ST6GALNAC3: variants seen among roughly 807,000 people sequenced by gnomAD.
ST6GALNAC3 encodes the protein alpha-N-acetylgalactosaminide alpha-2,6-sialyltransferase 3.
Under a neutral mutation model 32.7 loss-of-function variants are expected in ST6GALNAC3, and 25 were observed. That is an observed-to-expected ratio of 0.76 (90% CI 0.56 to 1.07). The LOEUF is 1.07. ST6GALNAC3 is among the 50% of genes least tolerant of loss of function. The probability of loss-of-function intolerance (pLI) is 0.00; values close to 1 mark genes in which losing one functional copy is unlikely to be tolerated. For missense variants in ST6GALNAC3, 355 were observed against 382.4 expected, an observed-to-expected ratio of 0.93 and a Z score of 0.60; for synonymous variants, 129 against 133.1, an observed-to-expected ratio of 0.97 and a Z score of 0.21.
At chr1:76,478,923 C>T (rs563845944) in intron 3 of ST6GALNAC3, among the ~76,000 whole-genome samples, 172 of 151,754 alleles carry the variant, frequency 1.1e-3, no homozygotes, top group South Asian at 3.6e-3. Flanking sequence ...CCACCACGCC[C>T]GGCTAATTTT....
intron 1 of ST6GALNAC3, among the ~76,000 whole-genome samples, chr1:76,161,545 T>C (rs1379951260): frequency 6.6e-6 from 1 of 152,174 alleles, no homozygotes; most frequent in African/African-American, 2.4e-5. Context: ...TCTGGAGATT[T>C]TTCTCTCTGC....
At chr1:76,280,634 T>C (rs1034688241) in intron 1 of ST6GALNAC3, among the ~76,000 whole-genome samples, 7 of 152,176 alleles carry the variant, frequency 4.6e-5, no homozygotes, top group African/African-American at 1.7e-4. Context: ...AGGATTCTTG[T>C]AAGAATTAAA....
At chr1:76,455,822 G>A (rs990408182) in intron 3 of ST6GALNAC3, among the ~76,000 whole-genome samples, 20 of 152,232 alleles carry the variant, frequency 1.3e-4, no homozygotes, top group African/African-American at 4.8e-4. Flanking sequence ...AAAATTGCTT[G>A]AATTTTCAGA....
intron 3 of ST6GALNAC3, among the ~76,000 whole-genome samples, chr1:76,595,599 A>G (rs1211589292): frequency 1.3e-5 from 2 of 152,068 alleles, no homozygotes; most frequent in Non-Finnish European, 2.9e-5. Flanking sequence ...TGAAACCTCA[A>G]AGTCTTTAGC....
chr1:76,460,911 T>A (rs939255900), intron 3 of ST6GALNAC3, among the ~76,000 whole-genome samples: 1 of 152,222 alleles, frequency 6.6e-6, no homozygotes, highest in African/African-American at 2.4e-5. Flanking sequence ...CTGATTTTAT[T>A]AAGTATTTTG....
chr1:76,347,084 A>T (rs114668562), intron 2 of ST6GALNAC3, among the ~76,000 whole-genome samples: 1 of 151,890 alleles, frequency 6.6e-6, no homozygotes, highest in Admixed American at 6.6e-5. Flanking sequence ...CCTAAGGGTC[A>T]TCTCACTCTG....
At chr1:76,454,199 C>G (rs1657605522) in intron 3 of ST6GALNAC3, among the ~76,000 whole-genome samples, 1 of 152,138 alleles carries the variant, frequency 6.6e-6, no homozygotes, top group Non-Finnish European at 1.5e-5. Context: ...CTCTTGAAGA[C>G]AGCAGATACT....
At chr1:76,307,968 A>G (rs941573675) in intron 1 of ST6GALNAC3, 2 of 505,794 alleles carry the variant, frequency 4.0e-6, no homozygotes, top group Non-Finnish European at 7.9e-6. Context: ...TTTTTGATGC[A>G]TATTTTTGCA....
intron 1 of ST6GALNAC3, among the ~76,000 whole-genome samples, chr1:76,147,459 C>T (rs860154): frequency 0.13 from 20,323 of 152,176 alleles, 1,492 homozygotes; most frequent in Non-Finnish European, 0.15. Flanking sequence ...AGATGCAAGA[C>T]CATGTGTGTT....
chr1:76,414,905 A>G (rs1437732575), intron 3 of ST6GALNAC3, among the ~76,000 whole-genome samples: 3 of 151,998 alleles, frequency 2.0e-5, no homozygotes, highest in African/African-American at 7.2e-5. Flanking sequence ...TCATTGATAT[A>G]TTTTTCATAG....
chr1:76,238,594 A>G (rs1232110543), intron 1 of ST6GALNAC3, among the ~76,000 whole-genome samples: 2 of 152,204 alleles, frequency 1.3e-5, no homozygotes, highest in Non-Finnish European at 2.9e-5. Context: ...ATTGTAATGC[A>G]GTGCCATTGC....
chr1:76,432,177 A>G lies in ST6GALNAC3; in HGVS notation c.623+19760A>G, dbSNP rs574279204. On this transcript the variant is annotated intron_variant, in intron 3 of 4. Coordinates refer to ENST00000328299, the MANE Select transcript of ST6GALNAC3 (RefSeq NM_152996.4). ...CACCCATTTAAAGTTCTTCCATGAC[A>G]TTTCATGGCTTGATAGCTCATTTGT... Among the ~76,000 whole-genome samples the G allele has an allele frequency of 1.8e-4, 27 of 152,242 alleles. No individual in the cohort carries two copies. The South Asian group carries it at 5.4e-3, about 30-fold the overall frequency.
intron 1 of ST6GALNAC3, among the ~76,000 whole-genome samples, chr1:76,170,022 T>A (rs75353191): frequency 0.01 from 1,540 of 152,236 alleles, 28 homozygotes; most frequent in African/African-American, 0.035. Flanking sequence ...ATTTTTTTTT[T>A]ATCCTATTTG....
At chr1:76,542,841 A>G (rs986168740) in intron 3 of ST6GALNAC3, among the ~76,000 whole-genome samples, 1 of 152,222 alleles carries the variant, frequency 6.6e-6, no homozygotes, top group African/African-American at 2.4e-5. Context: ...CAATCCAATT[A>G]GAAGATTGCA....
At chr1:76,279,966 T>C (rs1659401054) in intron 1 of ST6GALNAC3, among the ~76,000 whole-genome samples, 3 of 102,604 alleles carry the variant, frequency 2.9e-5, no homozygotes, top group Non-Finnish European at 1.9e-5. Flanking sequence ...TTGCTAACCA[T>C]TGGTTCTCTC....
chr1:76,174,011 A>G (rs1328257147), intron 1 of ST6GALNAC3, among the ~76,000 whole-genome samples: 3 of 152,208 alleles, frequency 2.0e-5, no homozygotes, highest in African/African-American at 7.2e-5. Flanking sequence ...AATATAAATC[A>G]TTCTACTACA....
At chr1:76,582,029 T>C (rs760986297) in intron 3 of ST6GALNAC3, among the ~76,000 whole-genome samples, 1 of 152,140 alleles carries the variant, frequency 6.6e-6, no homozygotes, top group Non-Finnish European at 1.5e-5. Context: ...TTTACGCCGC[T>C]TGTCCATTTT....
intron 3 of ST6GALNAC3, among the ~76,000 whole-genome samples, chr1:76,427,778 A>G (rs1450047639): frequency 6.6e-6 from 1 of 152,106 alleles, no homozygotes; most frequent in Non-Finnish European, 1.5e-5. Flanking sequence ...GGGGAGACAG[A>G]TATAGTTTCA....
At chr1:76,453,975 A>G (rs1330285631) in intron 3 of ST6GALNAC3, among the ~76,000 whole-genome samples, 2 of 152,002 alleles carry the variant, frequency 1.3e-5, no homozygotes, top group Non-Finnish European at 2.9e-5. Flanking sequence ...TCAGATGCAT[A>G]TATTCTTGGG....
Sources: allele counts gnomAD v4.1 joint callset (sites outside exome capture counted in the v4.1 genomes callset), GRCh38; gene constraint gnomAD v4.1.1; transcripts MANE v1.5; gene names NCBI Gene and HGNC (gene_info 2026-07-23, HGNC 2026-07-21).